The following GALNTL6 variants were observed in gnomAD, a reference collection of about 807,000 sequenced individuals.
GALNTL6 encodes polypeptide N-acetylgalactosaminyltransferase like 6.
In GALNTL6, 46 loss-of-function variants were observed where a neutral mutation model predicts 73.7. The observed-to-expected ratio is 0.62, with a 90% CI of 0.49 to 0.80. The LOEUF is 0.80. GALNTL6 is among the 30% of genes least tolerant of loss of function. The probability of loss-of-function intolerance (pLI) is 0.00; values close to 1 mark genes in which losing one functional copy is unlikely to be tolerated. For synonymous variants in GALNTL6, 259 were observed against 263.7 expected (o/e 0.98, Z 0.17); for missense variants, 604 against 755.0 (o/e 0.80, Z 2.34).
At chr4:172,121,805 A>G (rs1733158387) in intron 2 of GALNTL6, among the ~76,000 whole-genome samples, 2 of 152,168 alleles carry the variant, frequency 1.3e-5, no homozygotes, top group South Asian at 4.1e-4. Flanking sequence ...GAAAAAATTA[A>G]TGAGTAACAA....
intron 5 of GALNTL6, among the ~76,000 whole-genome samples, chr4:172,778,996 C>T (rs775813890): frequency 2.0e-5 from 3 of 151,286 alleles, no homozygotes; most frequent in Non-Finnish European, 2.9e-5. Flanking sequence ...CTCTCTCACA[C>T]ACACACTCCC....
At chr4:171,948,995 A>C (rs1460362486) in intron 2 of GALNTL6, among the ~76,000 whole-genome samples, 1 of 152,058 alleles carries the variant, frequency 6.6e-6, no homozygotes, top group African/African-American at 2.4e-5. Context: ...ACAGACATAC[A>C]CACACACTCA....
At chr4:172,139,821 A>G (rs1733756162) in intron 2 of GALNTL6, among the ~76,000 whole-genome samples, 1 of 152,156 alleles carries the variant, frequency 6.6e-6, no homozygotes, top group Non-Finnish European at 1.5e-5. Context: ...TTTTAAAAAC[A>G]TTTCCAAGAC....
chr4:172,994,927 AT>A (rs1301692437), intron 10 of GALNTL6, among the ~76,000 whole-genome samples: 1 of 152,200 alleles, frequency 6.6e-6, no homozygotes, highest in African/African-American at 2.4e-5. Flanking sequence ...ATTAGACCAT[AT>A]TTTCAACCTG....
chr4:172,165,045 T>C (rs908770880), intron 2 of GALNTL6, among the ~76,000 whole-genome samples: 2 of 152,138 alleles, frequency 1.3e-5, no homozygotes, highest in African/African-American at 4.8e-5. Context: ...ACTATATGTC[T>C]TCAGAGTTTT....
chr4:172,147,961 C>A (rs554835927), intron 2 of GALNTL6, among the ~76,000 whole-genome samples: 1 of 151,990 alleles, frequency 6.6e-6, no homozygotes, highest in South Asian at 2.1e-4. Context: ...AAATTTTGAT[C>A]TTTATTACTT....
chr4:171,943,323 C>A (rs183563940), intron 2 of GALNTL6, among the ~76,000 whole-genome samples: 266 of 152,286 alleles, frequency 1.7e-3, no homozygotes, highest in Non-Finnish European at 3.1e-3. Flanking sequence ...TCATCGGTAG[C>A]CTTCCAAAGG....
chr4:172,357,634 T>TATATAC (rs138075846), intron 5 of GALNTL6, among the ~76,000 whole-genome samples: 1 of 145,750 alleles, frequency 6.9e-6, no homozygotes, highest in African/African-American at 2.6e-5. Context: ...TATAGATATA[T>TATATAC]ACACACACAC....
Position 172,568,703 on chromosome 4 carries a change from A to C in GALNTL6, c.553+220014A>C, listed in dbSNP as rs371470175. ...AACCCGGGAGGCGGAGCTTGCAGTG[A>C]GCCGAGATTGCGCCACTGCACTCCA... On this transcript the variant is annotated intron_variant, in intron 5 of 12. Transcript: ENST00000506823. Among the ~76,000 whole-genome samples the C allele has an allele frequency of 5.5e-3, 760 of 137,528 alleles. 9 individuals are homozygous for C. The highest frequency in any genetic ancestry group is 0.019 in the African/African-American group (710 of 36,916). 90.2% of individuals were successfully genotyped at this position (137,528 alleles called of 152,430 possible). A position where few individuals can be genotyped will look rare whatever the true frequency, so the allele number is the denominator to read the frequency against.
At chr4:172,045,406 C>T (rs958303641) in intron 2 of GALNTL6, among the ~76,000 whole-genome samples, 5 of 151,964 alleles carry the variant, frequency 3.3e-5, no homozygotes, top group African/African-American at 1.2e-4. Context: ...TATAAAATTT[C>T]CCTAAAGTCT....
At chr4:172,824,955 C>T (rs1742153410) in intron 7 of GALNTL6, among the ~76,000 whole-genome samples, 1 of 151,958 alleles carries the variant, frequency 6.6e-6, no homozygotes, top group South Asian at 2.1e-4. Flanking sequence ...AGTGAGGCTA[C>T]ATCCACAGAG....
chr4:172,789,407 G>T (rs905167812), intron 5 of GALNTL6, among the ~76,000 whole-genome samples: 8 of 152,156 alleles, frequency 5.3e-5, no homozygotes, highest in Non-Finnish European at 8.8e-5. Context: ...AATATTATGA[G>T]ATTTTTTTGC....
At chr4:172,521,674 G>A (rs1734778632) in intron 5 of GALNTL6, among the ~76,000 whole-genome samples, 1 of 152,166 alleles carries the variant, frequency 6.6e-6, no homozygotes, top group African/African-American at 2.4e-5. Context: ...TAAGTGATCA[G>A]ATAGGAGAAA....
rs772445936 is a variant in GALNTL6, at chr4:172,311,792, G to GT, written c.386+40_386+41insT. ...ATCAGTGATCAGGGTGGGTTTTTTT[G>GT]GTTTTTTTTGTCCTTTGATTTTTTT... On this transcript the variant is annotated intron_variant, in intron 4 of 12. Transcript: ENST00000506823. 2.5e-3 allele frequency: 3,230 copies of GT among 1,314,918 alleles called. 1 individual carries two copies. Among genetic ancestry groups the GT allele is most frequent in the South Asian group, 4.0e-3 (221 of 55,010 alleles). The allele number at this position is 1,314,918 out of a possible 1,614,324, so 81.5% of individuals were successfully genotyped here.
intron 5 of GALNTL6, among the ~76,000 whole-genome samples, chr4:172,393,755 A>T (rs1228243517): frequency 6.6e-6 from 1 of 152,164 alleles, no homozygotes; most frequent in Non-Finnish European, 1.5e-5. Flanking sequence ...AACTACTTTT[A>T]TTACGTGCTT....
Position 172,286,475 on chromosome 4 carries a change from C to T in GALNTL6, c.248-25139C>T, listed in dbSNP as rs190974892. Among the ~76,000 whole-genome samples the T allele has an allele frequency of 2.6e-5, 4 of 152,276 alleles. No individual in the cohort carries two copies. In the East Asian group the frequency reaches 7.7e-4, roughly 29 times the overall value. On this transcript the variant is annotated intron_variant, in intron 3 of 12. Coordinates refer to ENST00000506823, the MANE Select transcript of GALNTL6 (RefSeq NM_001034845.3). ...TTGGCAGAAGAAGGCATAAATTCAA[C>T]GTCCAAGACAGTGCATGGGCCTTCC...
chr4:172,098,877 C>A (rs1732431173), intron 2 of GALNTL6, among the ~76,000 whole-genome samples: 1 of 152,028 alleles, frequency 6.6e-6, no homozygotes, highest in South Asian at 2.1e-4. Context: ...ACTCCACCCC[C>A]AAACAAATTA....
intron 2 of GALNTL6, among the ~76,000 whole-genome samples, chr4:172,033,851 C>T (rs1486872730): frequency 1.3e-5 from 2 of 152,016 alleles, no homozygotes; most frequent in African/African-American, 2.4e-5. Flanking sequence ...GAAAGTTTTG[C>T]AAAGAGTACA....
At chr4:172,412,271 G>A (rs904938818) in intron 5 of GALNTL6, among the ~76,000 whole-genome samples, 1 of 152,162 alleles carries the variant, frequency 6.6e-6, no homozygotes, top group Non-Finnish European at 1.5e-5. Flanking sequence ...AGAACTTCTG[G>A]CCTCAAGCCA....
Sources: allele counts gnomAD v4.1 joint callset (sites outside exome capture counted in the v4.1 genomes callset), GRCh38; gene constraint gnomAD v4.1.1; transcripts MANE v1.5; gene names NCBI Gene and HGNC (gene_info 2026-07-23, HGNC 2026-07-21).